The following CACNA2D4 variants were observed in gnomAD, a reference collection of about 807,000 sequenced individuals.
CACNA2D4 encodes voltage-dependent calcium channel subunit alpha-2/delta-4.
A neutral mutation model predicts 163.8 loss-of-function variants in CACNA2D4; 157 were observed. The observed-to-expected ratio is 0.96, with a 90% CI of 0.84 to 1.09. CACNA2D4 has a LOEUF of 1.09. Among genes scored for constraint, CACNA2D4 ranks in the 50% least tolerant of loss-of-function variants. The pLI is 0.00. For synonymous variants in CACNA2D4, 598 were observed against 586.9 expected (o/e 1.02, Z -0.27); for missense variants, 1,410 against 1,479.9 (o/e 0.95, Z 0.78).
chr12:1,893,543 G>T (rs997228416), intron 6 of CACNA2D4, among the ~76,000 whole-genome samples: 2 of 151,932 alleles, frequency 1.3e-5, no homozygotes, highest in African/African-American at 2.4e-5. Context: ...AATAATAATT[G>T]AAATCATTTC....
At chr12:1,831,026 C>G (rs973980389) in intron 26 of CACNA2D4, 4 of 1,614,026 alleles carry the variant, frequency 2.5e-6, no homozygotes, top group East Asian at 2.2e-5. Context: ...TGGAGGTGGA[C>G]TGCAGTGGCC....
chr12:1,832,966 G>A (rs1305760498), intron 26 of CACNA2D4, among the ~76,000 whole-genome samples: 3 of 152,180 alleles, frequency 2.0e-5, no homozygotes, highest in Admixed American at 6.5e-5. Flanking sequence ...GCACTGATAC[G>A]TGTTCCTGGG....
intron 18 of CACNA2D4, 97 bp from the exon 19 acceptor site, chr12:1,860,303 TAC>T: frequency 2.3e-6 from 2 of 855,844 alleles, no homozygotes; most frequent in African/African-American, 1.7e-5. Context: ...ATCGTCACTG[TAC>T]AGTCCCTCCG....
Position 1,875,952 on chromosome 12 carries a change from G to C in CACNA2D4, c.1720-615C>G, listed in dbSNP as rs2154449308. Reference sequence around the variant, plus strand: ...GTGCACTAAGGCGTCAGGGGGCCCTGACTGCTGCCTGCGGTTCTGCTGTTT... The same window carrying C: ...GTGCACTAAGGCGTCAGGGGGCCCTCACTGCTGCCTGCGGTTCTGCTGTTT... On this transcript the variant is annotated intron_variant, in intron 16 of 37. Coordinates refer to ENST00000382722, the MANE Select transcript of CACNA2D4 (RefSeq NM_172364.5). The surrounding 1 kb of genome is among the most constrained non-coding windows in gnomAD (Gnocchi z 4.0). Among the ~76,000 whole-genome samples the C allele has an allele frequency of 1.3e-5, 2 of 152,312 alleles. 1 individual carries two copies. The highest frequency in any genetic ancestry group is 6.8e-3 in the Middle Eastern group (2 of 294).
At chr12:1,913,876 GA>G (rs1241305129) in intron 2 of CACNA2D4, among the ~76,000 whole-genome samples, 1 of 152,248 alleles carries the variant, frequency 6.6e-6, no homozygotes, top group Non-Finnish European at 1.5e-5. Context: ...TAGCTTTAGT[GA>G]ATGTTCTAGA....
rs185614994 is a variant in CACNA2D4 at position 1,913,814 on chromosome 12, C to G, written c.310-675G>C. 8.1e-4 allele frequency among the ~76,000 whole-genome samples: 124 copies of G among 152,338 alleles called. 2 individuals carry two copies. Among genetic ancestry groups the G allele is most frequent in the African/African-American group, 3.0e-3 (123 of 41,570 alleles). Reference sequence around the variant, plus strand: ...CTCTGCAATGTATTGGCCGTGTGACCACAGGCAAGCCAGTCAATCACTTTC... The same window carrying G: ...CTCTGCAATGTATTGGCCGTGTGACGACAGGCAAGCCAGTCAATCACTTTC... On this transcript the variant is annotated intron_variant, in intron 2 of 37. Transcript: ENST00000382722.
chr12:1,804,195 G>C (rs1863440468), intron 29 of CACNA2D4, among the ~76,000 whole-genome samples: 1 of 150,980 alleles, frequency 6.6e-6, no homozygotes, highest in Non-Finnish European at 1.5e-5. Flanking sequence ...CTGACAGCAG[G>C]ATTCTAGGGG....
Position 1,810,776 on chromosome 12 carries a change from C to T in CACNA2D4, c.2614-189G>A, listed in dbSNP as rs1042035699. ...ATGTGTGTGTCGTATGTGGAGAGCA[C>T]GTGTGTGAGGTGTGTGCATGTGTGT... On this transcript the variant is annotated intron_variant, in intron 27 of 37. Transcript: ENST00000382722. Among the ~76,000 whole-genome samples the T allele has an allele frequency of 5.9e-5, 9 of 151,752 alleles. No homozygotes were observed. In the South Asian group the frequency reaches 6.2e-4, roughly 11 times the overall value.
In CACNA2D4 at chr12:1,866,402, G is replaced by C. The variant is rs192864875; in HGVS notation, c.1879-6196C>G. 3.9e-4 allele frequency among the ~76,000 whole-genome samples: 60 copies of C among 152,206 alleles called. 1 individual carries two copies. The East Asian group carries it at 0.011, about 29-fold the overall frequency. The stretch of plus-strand genomic sequence containing the variant: ...CCCACAATGCAACATCGAAACTTTT[G>C]CTTTAAATAGTCAGTTGTCTTTTTG... On this transcript the variant is annotated intron_variant, in intron 18 of 37. Coordinates refer to ENST00000382722, the MANE Select transcript of CACNA2D4 (RefSeq NM_172364.5).
chr12:1,817,557 C>T (rs998157326), intron 26 of CACNA2D4, among the ~76,000 whole-genome samples: 5 of 152,224 alleles, frequency 3.3e-5, no homozygotes, highest in Non-Finnish European at 5.9e-5. Context: ...TGTACTGCTG[C>T]CATCTCGGCT....
At position 1,800,367 on chromosome 12, in the gene CACNA2D4, C is replaced by T. The variant is rs769195878; in HGVS notation, c.2921+19G>A. The T allele has an allele frequency of 2.5e-6, 4 of 1,613,544 alleles. No homozygotes were observed. Among genetic ancestry groups the T allele is most frequent in the South Asian group, 1.1e-5 (1 of 91,080 alleles). Reference sequence around the variant, plus strand: ...CTCGCATGCAGCCCTCCACCAGCCCCGTGTCTACCCCCACTCACAGCACCA... The same window carrying T: ...CTCGCATGCAGCCCTCCACCAGCCCTGTGTCTACCCCCACTCACAGCACCA... On this transcript the variant is annotated intron_variant, in intron 32 of 37. Transcript: ENST00000382722.
At chr12:1,890,861 A>G (rs1866264558) in intron 6 of CACNA2D4, among the ~76,000 whole-genome samples, 1 of 152,126 alleles carries the variant, frequency 6.6e-6, no homozygotes, top group Non-Finnish European at 1.5e-5. Context: ...TCCTGAGTTC[A>G]GGGCCACTCA....
chr12:1,823,726 C>T (rs1337391341), intron 26 of CACNA2D4, among the ~76,000 whole-genome samples: 3 of 152,232 alleles, frequency 2.0e-5, no homozygotes, highest in Admixed American at 1.3e-4. Context: ...ACCTGTCTTG[C>T]TTGCATCTCA....
chr12:1,800,459 A>AC, intron 31 of CACNA2D4, 21 bp from the exon 32 acceptor site: 1 of 1,611,706 alleles, frequency 6.2e-7, no homozygotes, highest in Non-Finnish European at 8.5e-7. Context: ...GAGAGTGCAC[A>AC]CCGCTCGCAC....
At chr12:1,877,178 G>T (rs1310893971) in intron 16 of CACNA2D4, among the ~76,000 whole-genome samples, 2 of 152,206 alleles carry the variant, frequency 1.3e-5, no homozygotes, top group African/African-American at 4.8e-5. Flanking sequence ...GCATCGTGAG[G>T]TCAGGCACGA....
chr12:1,797,615 G>A, intron 34 of CACNA2D4, 80 bp from the exon 35 acceptor site: 1 of 1,040,746 alleles, frequency 9.6e-7, no homozygotes, highest in Non-Finnish European at 1.4e-6. Flanking sequence ...CCCAGGGCCA[G>A]AGTTCACCCC....
At chr12:1,818,646 G>A (rs556313341) in intron 26 of CACNA2D4, among the ~76,000 whole-genome samples, 182 of 150,958 alleles carry the variant, frequency 1.2e-3, no homozygotes, top group Non-Finnish European at 2.1e-3. Flanking sequence ...AAGGCCGCAG[G>A]GTCCTCTGCC....
chr12:1,871,572 C>A (rs986841311), intron 18 of CACNA2D4, among the ~76,000 whole-genome samples: 1 of 146,886 alleles, frequency 6.8e-6, no homozygotes, highest in Non-Finnish European at 1.5e-5. Context: ...GGTGTGTGTA[C>A]GTGTGTGTTG....
In CACNA2D4 at chr12:1,810,343, G is replaced by A. The variant is rs976440572; in HGVS notation, c.2659-3C>T. The A allele has an allele frequency of 1.3e-5, 21 of 1,613,478 alleles. No individual in the cohort carries two copies. Among genetic ancestry groups the A allele is most frequent in the Non-Finnish European group, 1.5e-5 (18 of 1,179,618 alleles). ...TCGATGACGAAGCAGTCCAGATCCTGGGAGGAAACCCAGAAGGGAGGTTAT... is the reference window on the plus strand; with the variant it reads ...TCGATGACGAAGCAGTCCAGATCCTAGGAGGAAACCCAGAAGGGAGGTTAT... On this transcript the variant is annotated splice_polypyrimidine_tract_variant and splice_region_variant and intron_variant, in intron 28 of 37. Coordinates refer to ENST00000382722, the MANE Select transcript of CACNA2D4 (RefSeq NM_172364.5).
Sources: allele counts gnomAD v4.1 joint callset (sites outside exome capture counted in the v4.1 genomes callset), GRCh38; gene constraint gnomAD v4.1.1; non-coding constraint Gnocchi (gnomAD v3.1); transcripts MANE v1.5; gene names NCBI Gene and HGNC (gene_info 2026-07-23, HGNC 2026-07-21).